Variants in CALCRL observed in about 807,000 individuals in gnomAD.
The protein encoded by CALCRL is calcitonin receptor like receptor.
CALCRL carries 27 observed loss-of-function variants against 60.4 expected under a neutral mutation model. That is an observed-to-expected ratio of 0.45 (90% CI 0.33 to 0.62). CALCRL has a LOEUF of 0.62. Among genes scored for constraint, CALCRL ranks in the 20% least tolerant of loss-of-function variants. CALCRL has a pLI of 0.03. For synonymous variants in CALCRL, 190 were observed against 182.6 expected (o/e 1.04, Z -0.33); for missense variants, 424 against 540.7 (o/e 0.78, Z 2.14).
chr2:187,398,887 A>G (rs762609138), intron 1 of CALCRL, among the ~76,000 whole-genome samples: 21 of 151,686 alleles, frequency 1.4e-4, no homozygotes, highest in Admixed American at 1.3e-3. Flanking sequence ...GGAGAATCCA[A>G]TAACATTAGA....
At chr2:187,353,700 G>C (rs888711453) in intron 12 of CALCRL, among the ~76,000 whole-genome samples, 11 of 151,924 alleles carry the variant, frequency 7.2e-5, no homozygotes, top group Admixed American at 2.0e-4. Flanking sequence ...CATGTCAGCT[G>C]TTATTCCACT....
Position 187,346,374 on chromosome 2 carries a change from C to T in CALCRL, c.1196G>A (p.Trp399Ter). Residue 399 changes from tryptophan (W) to a stop codon, truncating the protein, a stop_gained, in exon 15 of 15, where the codon TGG (tryptophan) becomes TAG (stop). Transcript: ENST00000392370. LOFTEE classifies it high-confidence loss of function. Reference sequence around the variant, plus strand: ...TCCAAATTGGATTTTGTATTGATTCCAGTTTCTTCTCAGAATTGCTTGAAC... The same window carrying T: ...TCCAAATTGGATTTTGTATTGATTCTAGTTTCTTCTCAGAATTGCTTGAAC... ...GEVQAILRRNWNQYKIQFGNS... is the reference protein window; with the variant it reads ...GEVQAILRRN 6.2e-7 allele frequency: 1 copy of T among 1,611,102 alleles called. No individual in the cohort carries two copies. Among genetic ancestry groups the T allele is most frequent in the African/African-American group, 1.3e-5 (1 of 74,796 alleles).
chr2:187,444,817 T>C (rs879751289), intron 1 of CALCRL, among the ~76,000 whole-genome samples: 1 of 151,530 alleles, frequency 6.6e-6, no homozygotes, highest in Non-Finnish European at 1.5e-5. Flanking sequence ...TTTAAGATTA[T>C]TCAAATAAGG....
intron 8 of CALCRL, among the ~76,000 whole-genome samples, chr2:187,365,391 G>A (rs1310922347): frequency 6.6e-6 from 1 of 152,132 alleles, no homozygotes; most frequent in African/African-American, 2.4e-5. Flanking sequence ...TGAGTGCCAA[G>A]TATTGTTTAG....
intron 1 of CALCRL, among the ~76,000 whole-genome samples, chr2:187,398,484 AG>A (rs1384723928): frequency 6.6e-6 from 1 of 151,632 alleles, no homozygotes; most frequent in Non-Finnish European, 1.5e-5. Context: ...TAGGAGGTAG[AG>A]GAACTCTGTT....
At chr2:187,357,677 G>A (rs1686857657) in intron 12 of CALCRL, among the ~76,000 whole-genome samples, 1 of 150,604 alleles carries the variant, frequency 6.6e-6, no homozygotes, top group South Asian at 2.1e-4. Context: ...GACAGCATTG[G>A]GAGATATACC....
intron 8 of CALCRL, among the ~76,000 whole-genome samples, chr2:187,363,752 C>A (rs1448068232): frequency 6.6e-6 from 1 of 152,086 alleles, no homozygotes; most frequent in Non-Finnish European, 1.5e-5. Context: ...CTGTACAAGT[C>A]CTCTACATGA....
At chr2:187,400,207 AATT>A (rs1254646399) in intron 1 of CALCRL, among the ~76,000 whole-genome samples, 8 of 151,364 alleles carry the variant, frequency 5.3e-5, no homozygotes, top group Admixed American at 5.3e-4. Context: ...AAATAGGTAA[AATT>A]ATTATGTGTC....
At chr2:187,414,909 C>CT (rs1409310279) in intron 1 of CALCRL, among the ~76,000 whole-genome samples, 48 of 145,346 alleles carry the variant, frequency 3.3e-4, no homozygotes, top group Admixed American at 2.6e-3. Context: ...AAGGTAGTCT[C>CT]TTTTTTTTTC....
intron 1 of CALCRL, chr2:187,415,756 C>A: frequency 4.0e-6 from 2 of 498,618 alleles, no homozygotes; most frequent in Non-Finnish European, 7.3e-6. Context: ...TCTCAACGAC[C>A]ACTTTGTCAA....
At chr2:187,346,589 T>C (rs1686285846) in intron 14 of CALCRL, among the ~76,000 whole-genome samples, 190 bp from the exon 15 acceptor site, 1 of 151,916 alleles carries the variant, frequency 6.6e-6, no homozygotes, top group African/African-American at 2.4e-5. Context: ...CATTAGGAAA[T>C]GTATTACAAT....
chr2:187,385,475 A>T, intron 4 of CALCRL, 70 bp downstream of exon 4: 1 of 771,682 alleles, frequency 1.3e-6, no homozygotes, highest in Non-Finnish European at 2.2e-6. Flanking sequence ...TAACTTCATT[A>T]ATATTCTTTA....
intron 1 of CALCRL, among the ~76,000 whole-genome samples, chr2:187,402,916 G>C (rs1688953344): frequency 1.3e-5 from 2 of 151,674 alleles, no homozygotes. Flanking sequence ...GGGCTTTTGG[G>C]AGATAATTGG....
intron 1 of CALCRL, among the ~76,000 whole-genome samples, chr2:187,436,114 A>G (rs1002777213): frequency 6.6e-6 from 1 of 152,212 alleles, no homozygotes; most frequent in East Asian, 1.9e-4. Context: ...TTATTTAGTT[A>G]TTTGTAAAGA....
intron 1 of CALCRL, among the ~76,000 whole-genome samples, chr2:187,402,408 A>G (rs1688928128): frequency 6.7e-6 from 1 of 150,334 alleles, no homozygotes; most frequent in Non-Finnish European, 1.5e-5. Flanking sequence ...ACATGGAGGA[A>G]GTATGTTTGT....
In CALCRL at chr2:187,358,497, G is replaced by T. The variant is rs559952556; in HGVS notation, c.909+566C>A. 9.7e-3 allele frequency among the ~76,000 whole-genome samples: 1,476 copies of T among 151,750 alleles called. 17 individuals are homozygous for T. Among genetic ancestry groups the T allele is most frequent in the Non-Finnish European group, 0.016 (1,062 of 67,866 alleles). The stretch of plus-strand genomic sequence containing the variant: ...AATGTAAAATTTGCATAGGTATTTT[G>T]TTTTTTCTTATTTGTCACCTCCCAC... On this transcript the variant is annotated intron_variant, in intron 12 of 14. Transcript: ENST00000392370.
At chr2:187,419,007 C>T (rs1049069858) in intron 1 of CALCRL, among the ~76,000 whole-genome samples, 3 of 148,784 alleles carry the variant, frequency 2.0e-5, no homozygotes, top group Non-Finnish European at 4.5e-5. Context: ...CAGGCACGCA[C>T]CACCACGTCT....
intron 12 of CALCRL, among the ~76,000 whole-genome samples, 197 bp from the exon 13 acceptor site, chr2:187,352,529 A>G (rs1305272501): frequency 6.6e-6 from 1 of 151,850 alleles, no homozygotes; most frequent in African/African-American, 2.4e-5. Flanking sequence ...ATCAATTTTA[A>G]TAAACAAGTT....
intron 1 of CALCRL, among the ~76,000 whole-genome samples, chr2:187,400,568 C>T (rs138449450): frequency 1.1e-4 from 16 of 151,236 alleles, no homozygotes; most frequent in East Asian, 9.7e-4. Context: ...TCCAAACAAA[C>T]GCTTGCACAC....
Sources: gnomAD v4.1 joint callset for allele counts (sites outside exome capture counted in the v4.1 genomes callset) on GRCh38, gnomAD v4.1.1 for gene constraint, MANE v1.5 for transcripts, NCBI Gene and HGNC (gene_info 2026-07-23, HGNC 2026-07-21) for gene names.